GRB2: variants seen among roughly 807,000 people sequenced by gnomAD.
The protein encoded by GRB2 is growth factor receptor bound protein 2.
In GRB2, 2 loss-of-function variants were observed where a neutral mutation model predicts 27.4. The observed-to-expected ratio is 0.07, with a 90% CI of 0.03 to 0.23. The LOEUF (loss-of-function observed/expected upper bound fraction) is 0.23, where lower values mean the gene tolerates loss of function less well. Among genes scored for constraint, GRB2 ranks in the 10% least tolerant of loss-of-function variants. The probability of loss-of-function intolerance (pLI) is 1.00; values close to 1 mark genes in which losing one functional copy is unlikely to be tolerated. For synonymous variants in GRB2, 94 were observed against 99.6 expected (o/e 0.94, Z 0.33); for missense variants, 102 against 282.4 (o/e 0.36, Z 4.58).
intron 4 of GRB2, among the ~76,000 whole-genome samples, chr17:75,323,006 C>A (rs1370038805): frequency 6.6e-6 from 1 of 151,710 alleles, no homozygotes; most frequent in East Asian, 1.9e-4. Flanking sequence ...GTAGTCACAG[C>A]TACTCGGGAG....
chr17:75,360,093 G>A (rs1000163281), intron 2 of GRB2, among the ~76,000 whole-genome samples: 1 of 151,852 alleles, frequency 6.6e-6, no homozygotes, highest in African/African-American at 2.4e-5. Flanking sequence ...ACCAGCCTGG[G>A]CAACATGGCG....
At chr17:75,392,606 A>AG (rs1243936913) in intron 2 of GRB2, among the ~76,000 whole-genome samples, 1 of 152,234 alleles carries the variant, frequency 6.6e-6, no homozygotes, top group Non-Finnish European at 1.5e-5. Context: ...CAAATGAGGT[A>AG]GCAAATTCCA....
At chr17:75,364,079 A>C (rs768177954) in intron 2 of GRB2, among the ~76,000 whole-genome samples, 6 of 152,088 alleles carry the variant, frequency 3.9e-5, no homozygotes, top group Non-Finnish European at 8.8e-5. Context: ...TCTATGTCTC[A>C]CAAGAACCAC....
intron 2 of GRB2, among the ~76,000 whole-genome samples, chr17:75,382,822 C>G (rs1567873525): frequency 6.6e-6 from 1 of 152,194 alleles, no homozygotes; most frequent in Non-Finnish European, 1.5e-5. Flanking sequence ...CATTCTCCTG[C>G]CTCAGCCTCC....
intron 1 of GRB2, among the ~76,000 whole-genome samples, chr17:75,396,163 T>TA (rs568986365): frequency 2.0e-5 from 3 of 152,264 alleles, no homozygotes; most frequent in South Asian, 4.1e-4. Context: ...GTACAATCCT[T>TA]AGATTTTTCC....
chr17:75,358,148 A>AT (rs1191815953), intron 2 of GRB2, among the ~76,000 whole-genome samples: 1 of 152,132 alleles, frequency 6.6e-6, no homozygotes, highest in Non-Finnish European at 1.5e-5. Context: ...TCTGGAATTG[A>AT]TTTTTTTAAT....
At chr17:75,332,289 C>T (rs906397301) in intron 3 of GRB2, among the ~76,000 whole-genome samples, 2 of 152,090 alleles carry the variant, frequency 1.3e-5, no homozygotes, top group Non-Finnish European at 2.9e-5. Context: ...CTATTAGATG[C>T]CAAGCACCGT....
intron 2 of GRB2, among the ~76,000 whole-genome samples, chr17:75,359,705 G>T (rs2078766579): frequency 6.6e-6 from 1 of 151,946 alleles, no homozygotes; most frequent in African/African-American, 2.4e-5. Context: ...CCAACTGCCA[G>T]AATGTTTTAT....
Position 75,323,822 on chromosome 17 carries a change from T to A in GRB2, c.300-1995A>T, listed in dbSNP as rs1050430765. Among the ~76,000 whole-genome samples the A allele has an allele frequency of 5.3e-5, 8 of 151,422 alleles. No individual in the cohort carries two copies. In the East Asian group the frequency reaches 1.2e-3, roughly 22 times the overall value. ...TTTTCTTTTCTTTTTTTTTTTTTTT[T>A]AAAGATGGATGGAGTCTTGCTCTTT... On this transcript the variant is annotated intron_variant, in intron 4 of 5. Coordinates refer to ENST00000316804, the MANE Select transcript of GRB2 (RefSeq NM_002086.5).
intron 2 of GRB2, among the ~76,000 whole-genome samples, chr17:75,381,978 A>T (rs149285215): frequency 6.6e-6 from 1 of 151,910 alleles, no homozygotes. Context: ...TAATCCCAGC[A>T]CTTTGGGAGG....
chr17:75,339,568 T>C (rs1455597845), intron 2 of GRB2, among the ~76,000 whole-genome samples: 1 of 152,020 alleles, frequency 6.6e-6, no homozygotes, highest in African/African-American at 2.4e-5. Flanking sequence ...GTGTGTTCTG[T>C]TTGTGAAAGT....
intron 2 of GRB2, among the ~76,000 whole-genome samples, chr17:75,349,682 G>C (rs530407650): frequency 1.3e-5 from 2 of 151,918 alleles, no homozygotes; most frequent in African/African-American, 2.4e-5. Flanking sequence ...ACCACGCCTG[G>C]CTAATTTTTG....
chr17:75,374,276 C>A (rs1026365428), intron 2 of GRB2, among the ~76,000 whole-genome samples: 8 of 150,874 alleles, frequency 5.3e-5, no homozygotes, highest in African/African-American at 1.9e-4. Context: ...TAGTGGCGGG[C>A]GCCTATAATT....
intron 2 of GRB2, among the ~76,000 whole-genome samples, chr17:75,366,816 A>C (rs982439161): frequency 6.6e-6 from 1 of 152,118 alleles, no homozygotes; most frequent in Non-Finnish European, 1.5e-5. Flanking sequence ...TGGCTCAAAA[A>C]ACAAGAAAGT....
rs866866177 is a variant in GRB2, at chr17:75,354,026, C to T, written c.79-21229G>A. On this transcript the variant is annotated intron_variant, in intron 2 of 5. Coordinates refer to ENST00000316804, the MANE Select transcript of GRB2 (RefSeq NM_002086.5). ...CTGTACTCCAGCCTGGGTGACAGAG[C>T]GAGACTCTGTCTCAAAAAAAAAACA... 3.3e-3 allele frequency among the ~76,000 whole-genome samples: 233 copies of T among 71,416 alleles called. 1 individual carries two copies. Among genetic ancestry groups the T allele is most frequent in the Middle Eastern group, 0.024 (4 of 170 alleles). The allele number at this position is 71,416 out of a possible 152,430, so 46.9% of individuals were successfully genotyped here. A position where few individuals can be genotyped will look rare whatever the true frequency, so the allele number is the denominator to read the frequency against.
At chr17:75,340,668 C>A (rs1188848083) in intron 2 of GRB2, among the ~76,000 whole-genome samples, 5 of 152,172 alleles carry the variant, frequency 3.3e-5, no homozygotes, top group Non-Finnish European at 2.9e-5. Context: ...TTAGAATGTT[C>A]TTCAACTTCC....
At chr17:75,351,833 C>G (rs1261303954) in intron 2 of GRB2, among the ~76,000 whole-genome samples, 1 of 152,084 alleles carries the variant, frequency 6.6e-6, no homozygotes, top group Non-Finnish European at 1.5e-5. Flanking sequence ...ATTACCAATT[C>G]AAATAAATAT....
intron 2 of GRB2, among the ~76,000 whole-genome samples, chr17:75,377,862 A>G (rs1195504257): frequency 6.6e-6 from 1 of 152,120 alleles, no homozygotes; most frequent in Non-Finnish European, 1.5e-5. Flanking sequence ...AGCCAAGATC[A>G]TGACACTACA....
chr17:75,355,816 CTTTTTT>C (rs1170570570), intron 2 of GRB2, among the ~76,000 whole-genome samples: 3 of 115,730 alleles, frequency 2.6e-5, no homozygotes, highest in Non-Finnish European at 3.6e-5. Context: ...TTCCTTTCTT[CTTTTTT>C]TTTTTTTTTT....
Sources: gnomAD v4.1 joint callset for allele counts (sites outside exome capture counted in the v4.1 genomes callset) on GRCh38, gnomAD v4.1.1 for gene constraint, MANE v1.5 for transcripts, NCBI Gene and HGNC (gene_info 2026-07-23, HGNC 2026-07-21) for gene names.